The following MAML3 variants were observed in gnomAD, a reference collection of about 807,000 sequenced individuals.
MAML3 encodes mastermind-like protein 3.
In MAML3, 27 loss-of-function variants were observed where a neutral mutation model predicts 101.9. The observed-to-expected ratio is 0.27, with a 90% CI of 0.20 to 0.37. The LOEUF (loss-of-function observed/expected upper bound fraction) is 0.37, where lower values mean the gene tolerates loss of function less well. Ranked by LOEUF, MAML3 falls within the 10% of genes least tolerant of loss-of-function variation. The pLI is 1.00. For synonymous variants in MAML3, 501 were observed against 555.9 expected, an observed-to-expected ratio of 0.90 and a Z score of 1.39; for missense variants, 1,316 against 1,444.9, an observed-to-expected ratio of 0.91 and a Z score of 1.45.
rs1731005541 is a variant in MAML3, at chr4:139,823,244, A to G, written c.2079+66113T>C. On this transcript the variant is annotated intron_variant, in intron 2 of 4. Transcript: ENST00000509479. ...TAAGTTTCACACAGAAGGTTACGTG[A>G]TGGACCACTGACAAAGGCAGAAAGA... Among the ~76,000 whole-genome samples, 4 of 152,228 alleles carry G rather than the reference A, an allele frequency of 2.6e-5. No individual in the cohort carries two copies. The South Asian group carries it at 8.3e-4, about 32-fold the overall frequency.
chr4:139,866,676 T>C (rs1731905296), intron 2 of MAML3, among the ~76,000 whole-genome samples: 2 of 152,136 alleles, frequency 1.3e-5, no homozygotes, highest in African/African-American at 4.8e-5. Flanking sequence ...CCCTCTTTTC[T>C]AAAGTATGTT....
intron 1 of MAML3, among the ~76,000 whole-genome samples, chr4:139,967,091 G>A (rs1734147198): frequency 6.6e-6 from 1 of 152,166 alleles, no homozygotes. Flanking sequence ...ATTGAAAAAA[G>A]TCCTAATATT....
intron 1 of MAML3, among the ~76,000 whole-genome samples, chr4:139,998,404 G>A (rs886324624): frequency 2.0e-5 from 3 of 152,086 alleles, no homozygotes; most frequent in Non-Finnish European, 4.4e-5. Context: ...ATGTTTGATT[G>A]ATTCAGTATT....
At chr4:140,035,665 G>A (rs538223314) in intron 1 of MAML3, among the ~76,000 whole-genome samples, 7 of 151,754 alleles carry the variant, frequency 4.6e-5, no homozygotes, top group African/African-American at 1.4e-4. Context: ...GTGGTGGCAC[G>A]CCAGCTACCC....
intron 2 of MAML3, among the ~76,000 whole-genome samples, chr4:139,796,336 G>A (rs1331488251): frequency 6.6e-6 from 1 of 152,108 alleles, no homozygotes; most frequent in Admixed American, 6.5e-5. Flanking sequence ...TTTACAGCAG[G>A]GGCTTAATAT....
At position 139,749,846 on chromosome 4, in the gene MAML3, T is replaced by G. The variant is rs115479642; in HGVS notation, c.2080-19179A>C. Among the ~76,000 whole-genome samples, 532 of 151,932 alleles carry G rather than the reference T, an allele frequency of 3.5e-3. 1 individual carries two copies. Among genetic ancestry groups the G allele is most frequent in the Non-Finnish European group, 6.5e-3 (445 of 67,978 alleles). ...ACATCACCATCATTCCATTATCTCTTTGTCCCCCTTTCAACTCTCATAGTG... is the reference window on the plus strand; with the variant it reads ...ACATCACCATCATTCCATTATCTCTGTGTCCCCCTTTCAACTCTCATAGTG... On this transcript the variant is annotated intron_variant, in intron 2 of 4. Coordinates refer to ENST00000509479, the MANE Select transcript of MAML3 (RefSeq NM_018717.5).
rs1727448697 is a variant in MAML3 at position 140,061,568 on chromosome 4, G to C, written c.468+91292C>G. The stretch of plus-strand genomic sequence containing the variant: ...AACTCAAGGCAAGTAACAAGACCAA[G>C]TTTGCATGCAGTTACTAAAATACAA... On this transcript the variant is annotated intron_variant, in intron 1 of 4. Transcript: ENST00000509479. Among the ~76,000 whole-genome samples the C allele has an allele frequency of 2.6e-5, 4 of 152,192 alleles. No individual in the cohort carries two copies. The South Asian group carries it at 8.3e-4, about 32-fold the overall frequency.
intron 2 of MAML3, among the ~76,000 whole-genome samples, chr4:139,830,779 C>T (rs1299467109): frequency 6.6e-6 from 1 of 151,932 alleles, no homozygotes; most frequent in Admixed American, 6.6e-5. Context: ...TTCTCCTTTC[C>T]TCAAGAAGGC....
At chr4:139,814,684 G>T (rs1730864928) in intron 2 of MAML3, among the ~76,000 whole-genome samples, 1 of 152,150 alleles carries the variant, frequency 6.6e-6, no homozygotes, top group Admixed American at 6.5e-5. Flanking sequence ...CCACCACCAA[G>T]ACTTGGTAGG....
At chr4:139,989,882 C>CACACACAG (rs1385720650) in intron 1 of MAML3, among the ~76,000 whole-genome samples, 37 of 63,130 alleles carry the variant, frequency 5.9e-4, no homozygotes, top group African/African-American at 2.0e-3. Flanking sequence ...CACACACACA[C>CACACACAG]AGAGAGAGAG....
At chr4:139,988,193 GGTGTGTGACTGTAATCCCA>G (rs1478437641) in intron 1 of MAML3, among the ~76,000 whole-genome samples, 1 of 151,398 alleles carries the variant, frequency 6.6e-6, no homozygotes, top group Non-Finnish European at 1.5e-5. Flanking sequence ...CGGGCCTGGT[GGTGTGTGACTGTAATCCCA>G]GCTACTCGGG....
At chr4:140,137,317 G>A (rs2111049246) in intron 1 of MAML3, among the ~76,000 whole-genome samples, 1 of 152,308 alleles carries the variant, frequency 6.6e-6, no homozygotes, top group Middle Eastern at 3.4e-3. Context: ...TATAAACAAA[G>A]TTTAATTTTT....
At chr4:139,923,508 G>C (rs1351689882) in intron 1 of MAML3, among the ~76,000 whole-genome samples, 1 of 152,162 alleles carries the variant, frequency 6.6e-6, no homozygotes, top group African/African-American at 2.4e-5. Context: ...ATATGGATAA[G>C]TGCATTATAA....
At position 140,077,123 on chromosome 4, in the gene MAML3, C is replaced by G. The variant is rs1206572514; in HGVS notation, c.468+75737G>C. On this transcript the variant is annotated intron_variant, in intron 1 of 4. Coordinates refer to ENST00000509479, the MANE Select transcript of MAML3 (RefSeq NM_018717.5). ...TCTTGAACTCCTGACCTCAGGTGATCCACCCACCTCAGCCTCCCAAAGTGC... is the reference window on the plus strand; with the variant it reads ...TCTTGAACTCCTGACCTCAGGTGATGCACCCACCTCAGCCTCCCAAAGTGC... Among the ~76,000 whole-genome samples the G allele has an allele frequency of 5.3e-5, 8 of 152,116 alleles. No homozygotes were observed. The East Asian group carries it at 1.5e-3, about 29-fold the overall frequency.
intron 1 of MAML3, among the ~76,000 whole-genome samples, chr4:140,102,335 G>C (rs2056384): frequency 6.6e-6 from 1 of 152,182 alleles, no homozygotes; most frequent in South Asian, 2.1e-4. Flanking sequence ...TATTGCTGCC[G>C]TAAGAAAATA....
intron 1 of MAML3, among the ~76,000 whole-genome samples, chr4:140,085,495 T>G (rs1727937425): frequency 6.6e-6 from 1 of 152,108 alleles, no homozygotes; most frequent in African/African-American, 2.4e-5. Flanking sequence ...TTGCCCCCAT[T>G]TGACTCAGGA....
chr4:140,050,660 G>A (rs1410375838), intron 1 of MAML3, among the ~76,000 whole-genome samples: 1 of 152,124 alleles, frequency 6.6e-6, no homozygotes, highest in Non-Finnish European at 1.5e-5. Context: ...TCTAAGGATG[G>A]CCTCTGAACC....
intron 1 of MAML3, among the ~76,000 whole-genome samples, chr4:140,072,406 C>T (rs987779888): frequency 6.6e-6 from 1 of 152,134 alleles, no homozygotes; most frequent in African/African-American, 2.4e-5. Flanking sequence ...CGTGGTGGCT[C>T]ATGCCTGTAA....
chr4:139,900,958 C>A (rs190662233), intron 1 of MAML3, among the ~76,000 whole-genome samples: 45 of 152,334 alleles, frequency 3.0e-4, no homozygotes, highest in Non-Finnish European at 6.2e-4. Context: ...TGTCCTAGGG[C>A]ACACAGCACA....
Sources: gnomAD v4.1 joint callset for allele counts (sites outside exome capture counted in the v4.1 genomes callset) on GRCh38, gnomAD v4.1.1 for gene constraint, MANE v1.5 for transcripts, NCBI Gene and HGNC (gene_info 2026-07-23, HGNC 2026-07-21) for gene names.